The following TSPAN3 variants were observed in gnomAD, a reference collection of about 807,000 sequenced individuals.
The protein encoded by TSPAN3 is tetraspanin-3.
In TSPAN3, 9 loss-of-function variants were observed where a neutral mutation model predicts 31.1. The observed-to-expected ratio is 0.29, with a 90% CI of 0.17 to 0.50. The LOEUF (loss-of-function observed/expected upper bound fraction) is 0.50, where lower values mean the gene tolerates loss of function less well. Among genes scored for constraint, TSPAN3 ranks in the 20% least tolerant of loss-of-function variants. The probability of loss-of-function intolerance (pLI) is 0.98; values close to 1 mark genes in which losing one functional copy is unlikely to be tolerated. For synonymous variants in TSPAN3, 129 were observed against 114.3 expected, an observed-to-expected ratio of 1.13 and a Z score of -0.82; for missense variants, 252 against 313.5, an observed-to-expected ratio of 0.80 and a Z score of 1.48.
At chr15:77,051,487 C>T (rs2076730425) in intron 6 of TSPAN3, among the ~76,000 whole-genome samples, 1 of 151,072 alleles carries the variant, frequency 6.6e-6, no homozygotes, top group Admixed American at 6.6e-5. Context: ...GAGATCACAC[C>T]ATTGCACTCT....
intron 1 of TSPAN3, among the ~76,000 whole-genome samples, chr15:77,062,990 C>T (rs2152697437): frequency 6.6e-6 from 1 of 152,220 alleles, no homozygotes. Flanking sequence ...TTTTAAAATA[C>T]TTTTAGTGTC....
intron 6 of TSPAN3, 31 bp downstream of exon 6, chr15:77,052,354 C>G (rs922105853): frequency 6.2e-7 from 1 of 1,604,148 alleles, no homozygotes; most frequent in South Asian, 1.1e-5. Context: ...CCAACTCACT[C>G]CGATAGAACT....
At chr15:77,060,312 G>A (rs1355288612) in intron 1 of TSPAN3, among the ~76,000 whole-genome samples, 1 of 152,146 alleles carries the variant, frequency 6.6e-6, no homozygotes, top group Non-Finnish European at 1.5e-5. Flanking sequence ...TGCTTTTACT[G>A]AAATCTGTAT....
At chr15:77,062,636 A>T (rs913983632) in intron 1 of TSPAN3, among the ~76,000 whole-genome samples, 2 of 152,212 alleles carry the variant, frequency 1.3e-5, no homozygotes, top group Non-Finnish European at 2.9e-5. Context: ...TTTTGGAAAC[A>T]ATCTGGCAAT....
At position 77,046,719 on chromosome 15, in the gene TSPAN3, A is replaced by T. The variant is rs2076693993; in HGVS notation, c.*116T>A. The T allele has an allele frequency of 1.4e-6, 1 of 739,786 alleles. No individual in the cohort carries two copies. Among genetic ancestry groups the T allele is most frequent in the South Asian group, 1.7e-5 (1 of 57,508 alleles). 45.8% of individuals were successfully genotyped at this position (739,786 alleles called of 1,614,324 possible). On this transcript the variant is annotated 3_prime_UTR_variant, in exon 7 of 7. Transcript: ENST00000267970. ...CATGAAAAGCCAAGCTGCTCTGTCC[A>T]ACACCAGTGTACATGTGCTTTAACT...
Position 77,046,319 on chromosome 15 carries a change from T to C in TSPAN3, c.*516A>G. ...ATACGCCATATGATCCTACAATCTA[T>C]TTTAGTCATTTTGTACAGCTGCTAT... On this transcript the variant is annotated 3_prime_UTR_variant, in exon 7 of 7. Transcript: ENST00000267970. 3 of 400,238 alleles carry C rather than the reference T, an allele frequency of 7.5e-6. No individual in the cohort carries two copies. The highest frequency in any genetic ancestry group is 1.3e-5 in the Non-Finnish European group (3 of 226,898). The allele number at this position is 400,238 out of a possible 1,614,324, so 24.8% of individuals were successfully genotyped here.
At chr15:77,049,653 ATAAT>A (rs1265458298) in intron 6 of TSPAN3, among the ~76,000 whole-genome samples, 1 of 152,204 alleles carries the variant, frequency 6.6e-6, no homozygotes, top group Non-Finnish European at 1.5e-5. Flanking sequence ...TCCTGTTATT[ATAAT>A]TAATTGGTAT....
Position 77,055,929 on chromosome 15 carries a change from T to TA in TSPAN3, c.256-67dup, listed in dbSNP as rs1229361074. ...AATAACTTTAAATACACTCTTGATT[T>TA]AAAAAAAGTTATCAGAGATAATTGC... On this transcript the variant is annotated intron_variant, in intron 2 of 6. Coordinates refer to ENST00000267970, the MANE Select transcript of TSPAN3 (RefSeq NM_005724.6). 39 of 1,539,732 alleles carry TA rather than the reference T, an allele frequency of 2.5e-5. 1 individual carries two copies. The Admixed American group carries it at 6.7e-4, about 27-fold the overall frequency.
chr15:77,057,268 T>A (rs1250960283), intron 1 of TSPAN3, among the ~76,000 whole-genome samples: 1 of 152,178 alleles, frequency 6.6e-6, no homozygotes, highest in African/African-American at 2.4e-5. Context: ...TAACAATGAG[T>A]TATCATTTGT....
chr15:77,052,700 G>C, intron 5 of TSPAN3, 77 bp downstream of exon 5: 1 of 1,509,660 alleles, frequency 6.6e-7, no homozygotes, highest in East Asian at 2.3e-5. Flanking sequence ...TGGCAGAAAA[G>C]AAGTCCCAGA....
chr15:77,068,988 T>G (rs552439437), intron 1 of TSPAN3, among the ~76,000 whole-genome samples: 2 of 152,360 alleles, frequency 1.3e-5, no homozygotes, highest in South Asian at 2.1e-4. Flanking sequence ...TTATATTCCT[T>G]TGGGTATGTA....
intron 3 of TSPAN3, chr15:77,055,404 G>A: frequency 6.0e-6 from 1 of 167,014 alleles, no homozygotes; most frequent in Admixed American, 5.9e-5. Flanking sequence ...TCTATGTTTA[G>A]GACCAAAGCA....
At chr15:77,056,013 G>C in intron 2 of TSPAN3, 51 bp downstream of exon 2, 1 of 1,542,128 alleles carries the variant, frequency 6.5e-7, no homozygotes, top group East Asian at 2.2e-5. Context: ...TCATGTTCAA[G>C]GAGAGTAGCA....
chr15:77,067,361 G>A (rs542098941), intron 1 of TSPAN3, among the ~76,000 whole-genome samples: 1 of 152,314 alleles, frequency 6.6e-6, no homozygotes, highest in South Asian at 2.1e-4. Flanking sequence ...TACAGCCTGA[G>A]TATTTCAGGT....
At chr15:77,068,327 G>A (rs1596172899) in intron 1 of TSPAN3, 3 of 152,256 alleles carry the variant, frequency 2.0e-5, no homozygotes, top group East Asian at 3.9e-4. Context: ...AACCCGCTAT[G>A]AAAAGCACCA....
chr15:77,058,291 T>G (rs2076780661), intron 1 of TSPAN3, among the ~76,000 whole-genome samples: 1 of 152,192 alleles, frequency 6.6e-6, no homozygotes, highest in African/African-American at 2.4e-5. Flanking sequence ...CTATTCCTCC[T>G]TTTCAGCCCC....
intron 1 of TSPAN3, among the ~76,000 whole-genome samples, chr15:77,063,071 TTC>T (rs1177266248): frequency 6.6e-6 from 1 of 152,186 alleles, no homozygotes; most frequent in African/African-American, 2.4e-5. Context: ...GGCTTTAATG[TTC>T]TCTCACCAAT....
chr15:77,057,654 C>A (rs2076775960), intron 1 of TSPAN3, among the ~76,000 whole-genome samples: 1 of 152,170 alleles, frequency 6.6e-6, no homozygotes, highest in Non-Finnish European at 1.5e-5. Context: ...CAAGAGGCCC[C>A]ACTGCTGGTT....
chr15:77,070,586 G>GC (rs1555686586), intron 1 of TSPAN3, among the ~76,000 whole-genome samples: 203 of 151,748 alleles, frequency 1.3e-3, no homozygotes, highest in African/African-American at 3.9e-3. Context: ...CGACTCCGGG[G>GC]GGGGGAGACT....
Sources: gnomAD v4.1 joint callset for allele counts (sites outside exome capture counted in the v4.1 genomes callset) on GRCh38, gnomAD v4.1.1 for gene constraint, MANE v1.5 for transcripts, NCBI Gene and HGNC (gene_info 2026-07-23, HGNC 2026-07-21) for gene names.